Variants in EFCAB8 observed in about 807,000 individuals in gnomAD.
The protein encoded by EFCAB8 is EF-hand calcium binding domain 8.
In EFCAB8, 100 loss-of-function variants were observed where a neutral mutation model predicts 116.3. The ratio of observed to expected loss-of-function variants is 0.86; its 90% CI spans 0.73 to 1.02. The LOEUF is 1.02. Ranked by LOEUF, EFCAB8 falls within the 50% of genes least tolerant of loss-of-function variation. EFCAB8 has a pLI of 0.00. For missense variants in EFCAB8, 1,320 were observed against 1,416.9 expected (o/e 0.93, Z 1.10); for synonymous variants, 558 against 567.9 (o/e 0.98, Z 0.25).
At chr20:32,927,441 T>G (rs938736616) in intron 20 of EFCAB8, among the ~76,000 whole-genome samples, 1 of 152,140 alleles carries the variant, frequency 6.6e-6, no homozygotes, top group Non-Finnish European at 1.5e-5. Flanking sequence ...GCCTCCCAAG[T>G]ACCAGCAATT....
chr20:32,886,780 G>T (rs1424204141), intron 6 of EFCAB8, among the ~76,000 whole-genome samples: 2 of 152,204 alleles, frequency 1.3e-5, no homozygotes, highest in African/African-American at 4.8e-5. Flanking sequence ...GGCGCAGCAG[G>T]CCTGGATTCT....
intron 10 of EFCAB8, among the ~76,000 whole-genome samples, chr20:32,897,569 A>C (rs757804654): frequency 6.6e-6 from 1 of 151,690 alleles, no homozygotes; most frequent in Admixed American, 6.6e-5. Flanking sequence ...CAGGCCCCCG[A>C]GTAGCTGGGA....
In EFCAB8 at chr20:32,920,158, G is replaced by A. The variant is rs1987380808; in HGVS notation, c.2355G>A (p.Thr785=). The A allele has an allele frequency of 5.8e-6, 9 of 1,551,716 alleles. No individual in the cohort carries two copies. Among genetic ancestry groups the A allele is most frequent in the Admixed American group, 2.0e-5 (1 of 50,998 alleles). The change falls in exon 20 of 27, where the codon ACG becomes ACA. Residue 785 remains threonine, a synonymous_variant. Coordinates refer to ENST00000400522, the MANE Select transcript of EFCAB8 (RefSeq NM_001143967.2). ...AGTCCATTTACAAAGAGGATGAAAC[G>A]AGAAAAGGAGAATGGCAGAAGAATA... The part of the protein sequence containing the change: ...SKQSIYKEDE[T]RKGEWQKNML...
At chr20:32,898,027 A>C (rs1485898687) in intron 10 of EFCAB8, among the ~76,000 whole-genome samples, 2 of 152,168 alleles carry the variant, frequency 1.3e-5, no homozygotes, top group Non-Finnish European at 2.9e-5. Context: ...TTTGTGGTTC[A>C]AGTTGCCGTG....
At chr20:32,912,430 CAA>C (rs762528188) in intron 16 of EFCAB8, among the ~76,000 whole-genome samples, 11 of 81,598 alleles carry the variant, frequency 1.3e-4, no homozygotes, top group Admixed American at 2.5e-4. Context: ...GAAACTCTGT[CAA>C]AAAAAAAAAA....
At chr20:32,939,385 C>T (rs570460760) in intron 22 of EFCAB8, among the ~76,000 whole-genome samples, 4 of 145,534 alleles carry the variant, frequency 2.7e-5, no homozygotes, top group Admixed American at 2.0e-4. Flanking sequence ...CAGGTTCAAA[C>T]GATTTTCCTG....
Position 32,878,705 on chromosome 20 carries a change from A to G in EFCAB8, c.329A>G (p.Gln110Arg), listed in dbSNP as rs1600374889. The G allele has an allele frequency of 1.9e-6, 3 of 1,551,618 alleles. No individual in the cohort carries two copies. The highest frequency in any genetic ancestry group is 2.7e-5 in the African/African-American group (2 of 73,134). The change falls in exon 5 of 27, where the codon CAA (glutamine) becomes CGA (arginine). Residue 110 changes from glutamine (Q) to arginine (R), a missense_variant and splice_region_variant. Gln to Arg is a conservative substitution (Grantham distance 43, BLOSUM62 1). Transcript: ENST00000400522. ...DSDCEGFVTW[Q>R]KYVDYMMREF... is the part of the protein sequence containing the mutation. ...CCCTTGTGCTTTCTTTCGAGGCAGC[A>G]AAAGTATGTGGATTACATGATGCGT...
At chr20:32,866,458 G>T (rs949873972) in intron 2 of EFCAB8, among the ~76,000 whole-genome samples, 1 of 151,882 alleles carries the variant, frequency 6.6e-6, no homozygotes, top group African/African-American at 2.4e-5. Flanking sequence ...ATTATGCTAA[G>T]TATCTGTATC....
At chr20:32,914,637 GGA>G (rs1179011053) in intron 17 of EFCAB8, among the ~76,000 whole-genome samples, 1 of 152,160 alleles carries the variant, frequency 6.6e-6, no homozygotes, top group Non-Finnish European at 1.5e-5. Context: ...CATGGTGGCA[GGA>G]GAGAGAGTGC....
chr20:32,859,895 A>G (rs1274930277), intron 1 of EFCAB8, among the ~76,000 whole-genome samples: 1 of 152,168 alleles, frequency 6.6e-6, no homozygotes, highest in African/African-American at 2.4e-5. Context: ...CCCTTGCAGC[A>G]TTTTTGTTTT....
intron 9 of EFCAB8, 47 bp from the exon 10 acceptor site, chr20:32,896,407 G>T: frequency 1.4e-6 from 1 of 711,036 alleles, no homozygotes; most frequent in Non-Finnish European, 2.6e-6. Context: ...CTTGCCAAGC[G>T]AAGGGGGAAA....
intron 9 of EFCAB8, among the ~76,000 whole-genome samples, chr20:32,895,094 A>G (rs969788956): frequency 2.0e-5 from 3 of 152,164 alleles, no homozygotes; most frequent in Admixed American, 2.0e-4. Context: ...CTGCCCCAGC[A>G]TTTGTGACCG....
intron 17 of EFCAB8, among the ~76,000 whole-genome samples, chr20:32,915,157 C>T (rs1987127396): frequency 6.6e-6 from 1 of 152,174 alleles, no homozygotes. Context: ...CCTGTCTTGG[C>T]CTCCCAAAGT....
intron 23 of EFCAB8, among the ~76,000 whole-genome samples, chr20:32,947,903 TAAAAAAA>T (rs377234035): frequency 2.1e-4 from 21 of 100,848 alleles, no homozygotes; most frequent in East Asian, 1.9e-3. Flanking sequence ...CCATCTCAAT[TAAAAAAA>T]AAAAAAAAGA....
intron 26 of EFCAB8, among the ~76,000 whole-genome samples, chr20:32,960,923 G>A (rs908746326): frequency 6.6e-6 from 1 of 152,244 alleles, no homozygotes; most frequent in African/African-American, 2.4e-5. Context: ...CCGTAACTGG[G>A]TGGAGAGCAG....
Position 32,898,502 on chromosome 20 carries a change from C to T in EFCAB8, c.967C>T (p.Pro323Ser). The T allele has an allele frequency of 1.4e-6, 1 of 718,056 alleles. No homozygotes were observed. The allele number at this position is 718,056 out of a possible 1,614,324, so 44.5% of individuals were successfully genotyped here. ...HRSYRLKALH[P>S]NWCEQVKFIP... ...GCTACTGTCTTCCCAGGCTCTCCAT[C>T]CCAACTGGTGTGAGCAGGTCAAGTT... Residue 323 changes from proline to serine, a missense_variant, in exon 11 of 27, where the codon CCC (proline) becomes TCC (serine). Coordinates refer to ENST00000400522, the MANE Select transcript of EFCAB8 (RefSeq NM_001143967.2).
intron 22 of EFCAB8, among the ~76,000 whole-genome samples, chr20:32,935,184 C>CTTTTTTTTTTTTTTTTTTTTTTTTT (rs1988056638): frequency 1.5e-5 from 1 of 64,556 alleles, no homozygotes; most frequent in Admixed American, 1.6e-4. Flanking sequence ...TTCTTTCTTT[C>CTTTTTTTTTTTTTTTTTTTTTTTTT]TTTCTTTCTT....
intron 23 of EFCAB8, among the ~76,000 whole-genome samples, chr20:32,955,438 G>A (rs567952171): frequency 6.6e-6 from 1 of 152,314 alleles, no homozygotes; most frequent in East Asian, 1.9e-4. Flanking sequence ...GACTCAGGAG[G>A]CTGAGGCAGG....
At chr20:32,937,631 T>G (rs1392966893) in intron 22 of EFCAB8, among the ~76,000 whole-genome samples, 1 of 152,152 alleles carries the variant, frequency 6.6e-6, no homozygotes, top group Non-Finnish European at 1.5e-5. Context: ...TTTCTTTTTT[T>G]TTGTTGAGAC....
Sources: gnomAD v4.1 joint callset for allele counts (sites outside exome capture counted in the v4.1 genomes callset) on GRCh38, gnomAD v4.1.1 for gene constraint, MANE v1.5 for transcripts, NCBI Gene and HGNC (gene_info 2026-07-23, HGNC 2026-07-21) for gene names.